N4BP2L2: variants seen among roughly 807,000 people sequenced by gnomAD.
The protein encoded by N4BP2L2 is NEDD4-binding protein 2-like 2.
Under a neutral mutation model 56.2 loss-of-function variants are expected in N4BP2L2, and 50 were observed. The observed-to-expected ratio is 0.89, with a 90% CI of 0.71 to 1.13. The LOEUF (loss-of-function observed/expected upper bound fraction) is 1.13. Among genes scored for constraint, N4BP2L2 ranks in the 50% most tolerant of loss-of-function variants. N4BP2L2 has a pLI of 0.00. For missense variants in N4BP2L2, 689 were observed against 693.8 expected, an observed-to-expected ratio of 0.99 and a Z score of 0.08; for synonymous variants, 203 against 223.6, an observed-to-expected ratio of 0.91 and a Z score of 0.82.
chr13:32,516,986 A>T (rs886488005), exon 6 of N4BP2L2: 7 of 972,160 alleles, frequency 7.2e-6, no homozygotes, highest in Non-Finnish European at 8.6e-6. Context: ...AAAAATTAGT[A>T]CTAGAAGATA....
At chr13:32,504,770 T>A (rs899499559) in intron 6 of N4BP2L2, 1 of 152,192 alleles carries the variant, frequency 6.6e-6, no homozygotes, top group African/African-American at 2.4e-5. Flanking sequence ...TACTCAAGGT[T>A]TCACCCTGAG....
intron 8 of N4BP2L2, among the ~76,000 whole-genome samples, chr13:32,437,063 A>G (rs1381280785): frequency 6.6e-6 from 1 of 151,864 alleles, no homozygotes; most frequent in African/African-American, 2.4e-5. Flanking sequence ...TTGTGTTTTT[A>G]GTAGAGACAG....
intron 6 of N4BP2L2, among the ~76,000 whole-genome samples, chr13:32,495,840 T>G (rs1315097686): frequency 2.6e-5 from 4 of 152,180 alleles, no homozygotes; most frequent in Non-Finnish European, 5.9e-5. Flanking sequence ...TCTGCTACCA[T>G]GCCCAGGTAA....
At chr13:32,442,735 T>G (rs375060525) in exon 7 of N4BP2L2, 46 of 1,613,338 alleles carry the variant, frequency 2.9e-5, no homozygotes, top group Non-Finnish European at 3.8e-5. Flanking sequence ...AGATAAATTA[T>G]GTAGCACAAA....
At chr13:32,475,520 G>A (rs370475769) in intron 6 of N4BP2L2, among the ~76,000 whole-genome samples, 2 of 152,254 alleles carry the variant, frequency 1.3e-5, no homozygotes, top group South Asian at 2.1e-4. Flanking sequence ...CAGGTATGAC[G>A]TCTACATAAT....
exon 2 of N4BP2L2, chr13:32,536,468 T>C (rs746659202): frequency 7.4e-6 from 12 of 1,612,724 alleles, no homozygotes; most frequent in East Asian, 2.2e-5. Flanking sequence ...CTCAAAACCA[T>C]CTTTTTCCTT....
exon 6 of N4BP2L2, chr13:32,513,174 A>C (rs1354748753): frequency 1.3e-5 from 2 of 152,230 alleles, no homozygotes; most frequent in African/African-American, 4.8e-5. Context: ...TGTTTTCTGA[A>C]CTTAGTTGCC....
At chr13:32,506,226 A>T (rs1388958869), downstream of N4BP2L2, 1 of 152,120 alleles carries the variant, frequency 6.6e-6, no homozygotes, top group Non-Finnish European at 1.5e-5. Flanking sequence ...TCTGTGTCCT[A>T]ATCTCTTCTT....
chr13:32,516,545 T>C (rs1218007829), exon 6 of N4BP2L2: 1 of 152,178 alleles, frequency 6.6e-6, no homozygotes, highest in Non-Finnish European at 1.5e-5. Flanking sequence ...TTGAAAGGAA[T>C]AGCAAAAGGT....
At chr13:32,493,579 C>T (rs992823528) in intron 6 of N4BP2L2, among the ~76,000 whole-genome samples, 9 of 152,112 alleles carry the variant, frequency 5.9e-5, no homozygotes, top group African/African-American at 2.2e-4. Context: ...AGTCCCCCCG[C>T]CCCTCAAGAC....
chr13:32,475,061 T>G (rs1434433026), intron 6 of N4BP2L2, among the ~76,000 whole-genome samples: 1 of 152,244 alleles, frequency 6.6e-6, no homozygotes, highest in Non-Finnish European at 1.5e-5. Flanking sequence ...ACTGTCACCA[T>G]GCAGAAACTG....
chr13:32,486,328 T>A (rs549678357), intron 6 of N4BP2L2, among the ~76,000 whole-genome samples: 1 of 152,320 alleles, frequency 6.6e-6, no homozygotes, highest in South Asian at 2.1e-4. Flanking sequence ...TATTTGCAGA[T>A]AATAGGATCT....
At chr13:32,434,783 A>G (rs942094662) in intron 9 of N4BP2L2, among the ~76,000 whole-genome samples, 11 of 152,192 alleles carry the variant, frequency 7.2e-5, no homozygotes, top group African/African-American at 2.7e-4. Context: ...AAATAGTAAA[A>G]AAATCTGCAC....
chr13:32,522,237 A>C, exon 4 of N4BP2L2: 1 of 1,571,130 alleles, frequency 6.4e-7, no homozygotes, highest in Non-Finnish European at 8.6e-7. Context: ...ATCTATTATA[A>C]CTGGAGATCT....
At chr13:32,481,111 T>C (rs1206783175) in intron 6 of N4BP2L2, among the ~76,000 whole-genome samples, 4 of 90,852 alleles carry the variant, frequency 4.4e-5, no homozygotes, top group Non-Finnish European at 5.5e-5. Context: ...AGAGTGAGAC[T>C]CTGTCTCAAA....
chr13:32,440,881 G>T (rs1383205653), intron 7 of N4BP2L2, among the ~76,000 whole-genome samples: 1 of 132,448 alleles, frequency 7.6e-6, no homozygotes, highest in South Asian at 2.3e-4. Context: ...AGGGAGTCTC[G>T]CTCAGTCACC....
chr13:32,443,234 G>C, exon 7 of N4BP2L2: 1 of 1,613,888 alleles, frequency 6.2e-7, no homozygotes, highest in Middle Eastern at 1.6e-4. Flanking sequence ...AATATTTCTG[G>C]ATTGTTTCCT....
chr13:32,505,618 CACTTTGTAAGTTCATCCACTT>C (rs543182940), downstream of N4BP2L2: 28 of 152,326 alleles, frequency 1.8e-4, no homozygotes, highest in African/African-American at 6.0e-4. Context: ...TCAAGTTCAT[CACTTTGTAAGTTCATCCACTT>C]TCCACAAAAC....
intron 7 of N4BP2L2, among the ~76,000 whole-genome samples, chr13:32,439,114 T>C (rs901393973): frequency 2.6e-5 from 4 of 152,226 alleles, no homozygotes; most frequent in Admixed American, 6.5e-5. Context: ...ACATTCTTTT[T>C]CCCTTGTACA....
Sources: allele counts gnomAD v4.1 joint callset (sites outside exome capture counted in the v4.1 genomes callset), GRCh38; gene constraint gnomAD v4.1.1; transcripts MANE v1.5; gene names NCBI Gene and HGNC (gene_info 2026-07-23, HGNC 2026-07-21).